Variants in WDR7 observed in about 807,000 individuals in gnomAD.
The protein encoded by WDR7 is WD repeat domain 7, also known as WD repeat-containing protein 7.
WDR7 carries 46 observed loss-of-function variants against 169.4 expected under a neutral mutation model. The observed-to-expected ratio is 0.27, with a 90% CI of 0.21 to 0.35. WDR7 has a LOEUF of 0.35. WDR7 is among the 10% of genes least tolerant of loss of function. The pLI is 1.00. For missense variants in WDR7, 1,534 were observed against 1,859.3 expected (o/e 0.83, Z 3.22); for synonymous variants, 612 against 666.8 (o/e 0.92, Z 1.27).
chr18:56,892,086 A>G (rs1321830933), intron 21 of WDR7, among the ~76,000 whole-genome samples: 1 of 152,158 alleles, frequency 6.6e-6, no homozygotes, highest in African/African-American at 2.4e-5. Flanking sequence ...TTCTCCAAAA[A>G]TAACTTTAAT....
chr18:56,723,824 T>C (rs951022588), intron 13 of WDR7, among the ~76,000 whole-genome samples: 1 of 152,286 alleles, frequency 6.6e-6, no homozygotes, highest in African/African-American at 2.4e-5. Context: ...ATTATATGTC[T>C]TTTAAGCCAT....
rs139726287 is a variant in WDR7, at chr18:56,861,772, G to A, written c.3305-18172G>A. Among the ~76,000 whole-genome samples the A allele has an allele frequency of 1.4e-3, 212 of 152,246 alleles. 1 individual carries two copies. The highest frequency in any genetic ancestry group is 4.9e-3 in the African/African-American group (205 of 41,562). On this transcript the variant is annotated intron_variant, in intron 20 of 27. Coordinates refer to ENST00000254442, the MANE Select transcript of WDR7 (RefSeq NM_015285.3). The stretch of plus-strand genomic sequence containing the variant: ...TTGAGAAATAGTTTAAGAAAAATAA[G>A]TATCATAATATTGATCTCTGCTCCT...
At chr18:56,909,856 T>G (rs1436310429) in intron 21 of WDR7, among the ~76,000 whole-genome samples, 1 of 152,142 alleles carries the variant, frequency 6.6e-6, no homozygotes, top group Non-Finnish European at 1.5e-5. Flanking sequence ...AGGAGTTATA[T>G]TTGAGGGAAA....
intron 16 of WDR7, among the ~76,000 whole-genome samples, chr18:56,768,615 G>A (rs1447776453): frequency 6.6e-6 from 1 of 152,146 alleles, no homozygotes; most frequent in Non-Finnish European, 1.5e-5. Context: ...AGGACTCTGA[G>A]TTGTCTAATA....
At chr18:56,987,666 A>AT (rs1220953283) in intron 26 of WDR7, among the ~76,000 whole-genome samples, 3 of 152,148 alleles carry the variant, frequency 2.0e-5, no homozygotes, top group Admixed American at 6.5e-5. Context: ...TGGTGCTATG[A>AT]TTTTTTTTCT....
At chr18:56,753,481 T>A (rs952100471) in intron 14 of WDR7, among the ~76,000 whole-genome samples, 1 of 152,184 alleles carries the variant, frequency 6.6e-6, no homozygotes, top group East Asian at 1.9e-4. Flanking sequence ...CAACAAATTA[T>A]ATAAATGTGG....
chr18:56,856,147 G>A (rs764940203), intron 20 of WDR7, among the ~76,000 whole-genome samples: 1 of 152,178 alleles, frequency 6.6e-6, no homozygotes, highest in African/African-American at 2.4e-5. Context: ...CAATCACAGT[G>A]CACTGACACA....
chr18:56,835,155 T>C (rs1018062099), intron 20 of WDR7, among the ~76,000 whole-genome samples: 17 of 152,216 alleles, frequency 1.1e-4, no homozygotes, highest in Admixed American at 1.1e-3. Flanking sequence ...GAACAAGGTA[T>C]ACCACACCAA....
intron 21 of WDR7, among the ~76,000 whole-genome samples, chr18:56,919,143 C>G (rs950960690): frequency 1.3e-5 from 2 of 152,194 alleles, no homozygotes; most frequent in African/African-American, 4.8e-5. Context: ...CCTTCCAGGT[C>G]ACAAAGCCTC....
chr18:56,662,732 AT>A lies in WDR7; in HGVS notation c.-19-9764del, dbSNP rs202002616. The stretch of plus-strand genomic sequence containing the variant: ...GATGGAGGAACAAGGAAGAAGTTAA[AT>A]GATGTCATAAAAAACAATCAGAAAG... On this transcript the variant is annotated intron_variant, in intron 1 of 27. Transcript: ENST00000254442. 2.8e-3 allele frequency among the ~76,000 whole-genome samples: 419 copies of A among 152,358 alleles called. 5 individuals are homozygous for A. In the East Asian group the frequency reaches 0.038, roughly 14 times the overall value.
chr18:56,754,372 CGTATATATGT>C (rs1599017788), intron 14 of WDR7, among the ~76,000 whole-genome samples: 1 of 145,230 alleles, frequency 6.9e-6, no homozygotes, highest in Non-Finnish European at 1.5e-5. Flanking sequence ...TATATATACA[CGTATATATGT>C]GTATATATAC....
chr18:56,909,281 G>C (rs2046522308), intron 21 of WDR7, among the ~76,000 whole-genome samples: 2 of 152,082 alleles, frequency 1.3e-5, no homozygotes, highest in Non-Finnish European at 2.9e-5. Context: ...GTGGAAAGGG[G>C]AAGGGGCAAG....
At chr18:57,003,948 G>A (rs1198113355) in intron 26 of WDR7, among the ~76,000 whole-genome samples, 1 of 151,826 alleles carries the variant, frequency 6.6e-6, no homozygotes, top group Non-Finnish European at 1.5e-5. Flanking sequence ...TGGAGGGTGT[G>A]TGTTATACCC....
intron 21 of WDR7, among the ~76,000 whole-genome samples, chr18:56,920,751 A>G (rs1463099129): frequency 3.9e-5 from 6 of 152,232 alleles, no homozygotes; most frequent in Non-Finnish European, 8.8e-5. Flanking sequence ...AGATTAAAGT[A>G]TACAACTTTT....
chr18:56,826,445 T>C (rs989584161), intron 20 of WDR7, among the ~76,000 whole-genome samples: 1 of 152,236 alleles, frequency 6.6e-6, no homozygotes, highest in African/African-American at 2.4e-5. Flanking sequence ...CACAAAAAGA[T>C]AATTAAATTT....
intron 1 of WDR7, among the ~76,000 whole-genome samples, chr18:56,657,976 TAA>T (rs2024815326): frequency 6.6e-6 from 1 of 151,988 alleles, no homozygotes; most frequent in Non-Finnish European, 1.5e-5. Context: ...GTGGGAGCCA[TAA>T]AATGTTGGAA....
intron 1 of WDR7, among the ~76,000 whole-genome samples, chr18:56,668,123 A>G (rs1472535324): frequency 4.6e-5 from 7 of 152,194 alleles, no homozygotes; most frequent in African/African-American, 1.2e-4. Flanking sequence ...TCTGAAAAGC[A>G]ATGTCAGATT....
intron 19 of WDR7, among the ~76,000 whole-genome samples, chr18:56,789,186 A>G (rs1317530319): frequency 6.6e-6 from 1 of 152,244 alleles, no homozygotes; most frequent in Non-Finnish European, 1.5e-5. Flanking sequence ...TAAAAGGGAA[A>G]TTCGTTCCAT....
chr18:56,978,308 A>T lies in WDR7; in HGVS notation c.4164+15779A>T, dbSNP rs192875231. Among the ~76,000 whole-genome samples the T allele has an allele frequency of 2.0e-3, 309 of 152,336 alleles. No individual in the cohort carries two copies. The Middle Eastern group carries it at 0.02, about 10-fold the overall frequency. ...TTTATTAGGGATAAGACAATTTTTT[A>T]AAAAACCTGTCAATGTCCCCCAATG... is the stretch of plus-strand genomic sequence containing the variant. On this transcript the variant is annotated intron_variant, in intron 26 of 27. Transcript: ENST00000254442.
Sources: allele counts gnomAD v4.1 joint callset (sites outside exome capture counted in the v4.1 genomes callset), GRCh38; gene constraint gnomAD v4.1.1; transcripts MANE v1.5; gene names NCBI Gene and HGNC (gene_info 2026-07-23, HGNC 2026-07-21).